The following MEOX2 variants were observed in gnomAD, a reference collection of about 807,000 sequenced individuals.
The protein encoded by MEOX2 is mesenchyme homeobox 2.
Under a neutral mutation model 27.0 loss-of-function variants are expected in MEOX2, and 11 were observed. That is an observed-to-expected ratio of 0.41 (90% confidence interval 0.26 to 0.68). MEOX2 has a LOEUF of 0.68. Among genes scored for constraint, MEOX2 ranks in the 30% least tolerant of loss-of-function variants. The pLI, the probability that MEOX2 is intolerant of heterozygous loss-of-function variation, is 0.33. For missense variants in MEOX2, 436 were observed against 385.4 expected (o/e 1.13, Z -1.10); for synonymous variants, 189 against 155.4 (o/e 1.22, Z -1.61).
At chr7:15,679,816 A>C (rs1040240473) in intron 1 of MEOX2, 4 of 151,984 alleles carry the variant, frequency 2.6e-5, no homozygotes, top group African/African-American at 9.7e-5. Flanking sequence ...TCTATCTTTC[A>C]TACAAACCCT....
intron 1 of MEOX2, among the ~76,000 whole-genome samples, chr7:15,641,914 G>A (rs879566073): frequency 3.3e-5 from 5 of 151,560 alleles, no homozygotes; most frequent in South Asian, 2.1e-4. Flanking sequence ...GTTGCCATTC[G>A]AAAAAAAAGG....
chr7:15,686,082 G>A lies in MEOX2; in HGVS notation c.321C>T (p.Ser107=). 1 of 1,590,528 alleles carries A rather than the reference G, an allele frequency of 6.3e-7. No individual in the cohort carries two copies. The highest frequency in any genetic ancestry group is 8.5e-7 in the Non-Finnish European group (1 of 1,170,508). Residue 107 remains serine (S), a synonymous_variant, in exon 1 of 3, where the codon AGC becomes AGT. Coordinates refer to ENST00000262041, the MANE Select transcript of MEOX2 (RefSeq NM_005924.5). Reference sequence around the variant, plus strand: ...CTCCAGAGTCGGGCTGGAGGCAGAGGCTGTGCCGAGCCGCACTCGGTGGGG... The same window carrying A: ...CTCCAGAGTCGGGCTGGAGGCAGAGACTGTGCCGAGCCGCACTCGGTGGGG... ...MSSPPSAARH[S]LCLQPDSGGP...
rs1782001638 is a variant in MEOX2 at position 15,666,185 on chromosome 7, G to A, written c.517+19701C>T. Among the ~76,000 whole-genome samples, 3 of 152,128 alleles carry A rather than the reference G, an allele frequency of 2.0e-5. No homozygotes were observed. The South Asian group carries it at 6.2e-4, about 31-fold the overall frequency. ...GTTTCATAATTGTCATCTAAAGTCA[G>A]TCCTCGAAACATGGGAGAGCCAATA... On this transcript the variant is annotated intron_variant, in intron 1 of 2. Coordinates refer to ENST00000262041, the MANE Select transcript of MEOX2 (RefSeq NM_005924.5).
At chr7:15,632,765 A>G (rs1781422905) in intron 1 of MEOX2, among the ~76,000 whole-genome samples, 1 of 151,902 alleles carries the variant, frequency 6.6e-6, no homozygotes, top group Admixed American at 6.6e-5. Context: ...AACTTTGTAG[A>G]TTTTGCTACA....
intron 1 of MEOX2, 116 bp downstream of exon 1, chr7:15,685,770 G>T: frequency 7.2e-7 from 1 of 1,394,802 alleles, no homozygotes; most frequent in Non-Finnish European, 9.6e-7. Flanking sequence ...GCCACAGAGG[G>T]CAACACATTC....
At chr7:15,647,433 C>T (rs902591803) in intron 1 of MEOX2, among the ~76,000 whole-genome samples, 24 of 152,098 alleles carry the variant, frequency 1.6e-4, no homozygotes, top group Non-Finnish European at 2.9e-4. Flanking sequence ...CTAAGCTCAA[C>T]AAGCATTAAG....
At chr7:15,669,530 C>A (rs569690063) in intron 1 of MEOX2, among the ~76,000 whole-genome samples, 1 of 152,228 alleles carries the variant, frequency 6.6e-6, no homozygotes, top group East Asian at 1.9e-4. Context: ...CAATTAATTC[C>A]CAATTAATCT....
chr7:15,667,126 C>A (rs1280021867), intron 1 of MEOX2, among the ~76,000 whole-genome samples: 2 of 150,782 alleles, frequency 1.3e-5, no homozygotes, highest in Non-Finnish European at 3.0e-5. Context: ...CCCGTCTCTA[C>A]TAAAAATACA....
At chr7:15,619,156 A>T (rs1448685189) in intron 2 of MEOX2, among the ~76,000 whole-genome samples, 1 of 152,056 alleles carries the variant, frequency 6.6e-6, no homozygotes, top group African/African-American at 2.4e-5. Context: ...AGATAGTAGA[A>T]AATTTTCTTA....
At chr7:15,641,255 G>T (rs1188749323) in intron 1 of MEOX2, among the ~76,000 whole-genome samples, 1 of 152,096 alleles carries the variant, frequency 6.6e-6, no homozygotes, top group African/African-American at 2.4e-5. Flanking sequence ...TTGGGAGATT[G>T]TATGTTTCAG....
intron 1 of MEOX2, among the ~76,000 whole-genome samples, chr7:15,664,913 G>A (rs1224940619): frequency 6.6e-6 from 1 of 152,100 alleles, no homozygotes; most frequent in Non-Finnish European, 1.5e-5. Context: ...CTTTATCTTG[G>A]AGGATGAAGC....
chr7:15,654,553 A>T (rs1163087852), intron 1 of MEOX2, among the ~76,000 whole-genome samples: 1 of 151,740 alleles, frequency 6.6e-6, no homozygotes. Flanking sequence ...ATTTATTTTT[A>T]TCAAGTTGAG....
At chr7:15,676,646 A>T (rs1782197519) in intron 1 of MEOX2, among the ~76,000 whole-genome samples, 2 of 152,054 alleles carry the variant, frequency 1.3e-5, no homozygotes, top group Admixed American at 1.3e-4. Flanking sequence ...CGAGGTGGGC[A>T]GATCACTTGA....
At chr7:15,643,121 A>G (rs959982607) in intron 1 of MEOX2, among the ~76,000 whole-genome samples, 2 of 152,150 alleles carry the variant, frequency 1.3e-5, no homozygotes, top group African/African-American at 4.8e-5. Context: ...GTTCCCTACA[A>G]TCATGCCAGA....
chr7:15,647,242 TCAAA>T (rs1300200705), intron 1 of MEOX2, among the ~76,000 whole-genome samples: 1 of 152,084 alleles, frequency 6.6e-6, no homozygotes, highest in African/African-American at 2.4e-5. Flanking sequence ...TCTATGATAC[TCAAA>T]CATACATAAA....
At chr7:15,626,258 C>T (rs1313355988) in intron 2 of MEOX2, among the ~76,000 whole-genome samples, 1 of 152,048 alleles carries the variant, frequency 6.6e-6, no homozygotes, top group Non-Finnish European at 1.5e-5. Context: ...ATCTGGAATG[C>T]TGGACATGTA....
At chr7:15,664,240 G>A (rs1012758481) in intron 1 of MEOX2, among the ~76,000 whole-genome samples, 2 of 152,170 alleles carry the variant, frequency 1.3e-5, no homozygotes, top group Admixed American at 6.5e-5. Flanking sequence ...TTTGGGATAT[G>A]CTTTTGGTCT....
intron 1 of MEOX2, among the ~76,000 whole-genome samples, chr7:15,661,295 G>A (rs1048722888): frequency 6.6e-6 from 1 of 151,996 alleles, no homozygotes; most frequent in Non-Finnish European, 1.5e-5. Context: ...ACTAAGAACC[G>A]TATTCACTCA....
intron 1 of MEOX2, among the ~76,000 whole-genome samples, chr7:15,664,190 G>A (rs544383364): frequency 5.6e-4 from 86 of 152,266 alleles, no homozygotes; most frequent in African/African-American, 1.9e-3. Flanking sequence ...TCATTAATAA[G>A]AAATAAGGGA....
Sources: allele counts gnomAD v4.1 joint callset (sites outside exome capture counted in the v4.1 genomes callset), GRCh38; gene constraint gnomAD v4.1.1; transcripts MANE v1.5; gene names NCBI Gene and HGNC (gene_info 2026-07-23, HGNC 2026-07-21).